SOX5: variants seen among roughly 807,000 people sequenced by gnomAD.
SOX5 encodes the protein transcription factor SOX-5.
In SOX5, 9 loss-of-function variants were observed where a neutral mutation model predicts 92.0. That is an observed-to-expected ratio of 0.10 (90% CI 0.06 to 0.17). SOX5 has a LOEUF of 0.17. Among genes scored for constraint, SOX5 ranks in the 10% least tolerant of loss-of-function variants. The pLI is 1.00. For missense variants in SOX5, 642 were observed against 944.5 expected (o/e 0.68, Z 4.20); for synonymous variants, 344 against 336.3 (o/e 1.02, Z -0.25).
intron 1 of SOX5, among the ~76,000 whole-genome samples, chr12:24,450,964 C>T (rs990548709): frequency 2.6e-5 from 4 of 152,272 alleles, no homozygotes; most frequent in African/African-American, 9.6e-5. Context: ...CTACCCTTCC[C>T]AGTCTCTAGT....
intron 2 of SOX5, among the ~76,000 whole-genome samples, chr12:23,853,147 CAT>C (rs1391910036): frequency 6.7e-6 from 1 of 149,696 alleles, no homozygotes; most frequent in African/African-American, 2.5e-5. Context: ...TATACACACA[CAT>C]ATTGTAAAAG....
intron 2 of SOX5, among the ~76,000 whole-genome samples, chr12:23,869,916 C>T (rs936104235): frequency 2.0e-5 from 3 of 152,098 alleles, no homozygotes; most frequent in Admixed American, 1.3e-4. Context: ...CCATTTTCCC[C>T]ACCAGACTGA....
intron 1 of SOX5, among the ~76,000 whole-genome samples, chr12:24,421,818 G>C (rs534436528): frequency 6.6e-6 from 1 of 152,032 alleles, no homozygotes; most frequent in Admixed American, 6.6e-5. Context: ...ATATCCTATC[G>C]GAATGAGTTG....
chr12:23,558,785 T>C (rs1203820082), intron 11 of SOX5, among the ~76,000 whole-genome samples: 1 of 152,190 alleles, frequency 6.6e-6, no homozygotes, highest in African/African-American at 2.4e-5. Flanking sequence ...TATTTTTTAG[T>C]AGAGACGGGG....
chr12:24,230,441 G>C (rs550290239), intron 3 of SOX5: 1 of 152,120 alleles, frequency 6.6e-6, no homozygotes, highest in African/African-American at 2.4e-5. Flanking sequence ...TTCTTTTTCC[G>C]TGGTTCCTGT....
intron 6 of SOX5, among the ~76,000 whole-genome samples, chr12:23,734,004 T>C (rs551029778): frequency 6.6e-6 from 1 of 152,294 alleles, no homozygotes; most frequent in East Asian, 1.9e-4. Flanking sequence ...GTTCAGAAAG[T>C]AAATTGTCAG....
rs565667070 is a variant in SOX5 at position 24,486,119 on chromosome 12, TAG to T, written c.-251+76208_-251+76209del. ...AGGCACTAATTTTTAATTTTTTTTG[TAG>T]AGACAGGGTCTTTCTGCGTTGCCCA... On this transcript the variant is annotated intron_variant, in intron 1 of 4. Transcript: ENST00000446891. Among the ~76,000 whole-genome samples the T allele has an allele frequency of 5.8e-3, 887 of 152,180 alleles. 4 individuals are homozygous for T. The highest frequency in any genetic ancestry group is 8.2e-3 in the Non-Finnish European group (558 of 68,014).
chr12:23,672,087 CA>C (rs77752280), intron 6 of SOX5, among the ~76,000 whole-genome samples: 60 of 145,546 alleles, frequency 4.1e-4, no homozygotes, highest in African/African-American at 1.2e-3. Context: ...AAAAACAAAA[CA>C]AAAAAAAAAG....
At chr12:24,070,091 C>G (rs1941523113) in intron 4 of SOX5, among the ~76,000 whole-genome samples, 1 of 152,130 alleles carries the variant, frequency 6.6e-6, no homozygotes, top group Non-Finnish European at 1.5e-5. Flanking sequence ...GAGTTTGCCG[C>G]AACAACACTA....
intron 3 of SOX5, among the ~76,000 whole-genome samples, chr12:23,843,681 G>A (rs2096544034): frequency 6.9e-6 from 1 of 144,954 alleles, no homozygotes; most frequent in African/African-American, 2.6e-5. Flanking sequence ...GTCCTGCCTC[G>A]GCTGCTCAAG....
chr12:24,421,766 T>C (rs1473589532), intron 1 of SOX5, among the ~76,000 whole-genome samples: 1 of 152,246 alleles, frequency 6.6e-6, no homozygotes, highest in East Asian at 1.9e-4. Flanking sequence ...ACAAAGATAA[T>C]GGCACACTTA....
chr12:24,491,035 T>C (rs1469065258), intron 1 of SOX5, among the ~76,000 whole-genome samples: 3 of 148,790 alleles, frequency 2.0e-5, no homozygotes, highest in African/African-American at 7.6e-5. Flanking sequence ...ACCAACCAAC[T>C]AACAAAAACC....
At position 23,850,462 on chromosome 12, in the gene SOX5, TAAATAAAAAATA is replaced by T. The variant is rs1447050193; in HGVS notation, c.271-4281_271-4270del. ...AATAAATAAATAAATAAAAAAAAAA[TAAATAAAAAATA>T]AAAAAAAAATCACCAGGAGAAGGTA... On this transcript the variant is annotated intron_variant, in intron 2 of 14. Transcript: ENST00000451604. Among the ~76,000 whole-genome samples, 332 of 87,508 alleles carry T rather than the reference TAAATAAAAAATA, an allele frequency of 3.8e-3. 1 individual carries two copies. The highest frequency in any genetic ancestry group is 8.2e-3 in the Admixed American group (58 of 7,090). 57.4% of individuals were successfully genotyped at this position (87,508 alleles called of 152,430 possible).
At chr12:23,673,199 T>G (rs1382823) in intron 6 of SOX5, among the ~76,000 whole-genome samples, 121,120 of 152,052 alleles carry the variant, frequency 0.8, 48,890 homozygotes, top group East Asian at 1. Flanking sequence ...TGGTAATTAT[T>G]AAAATATCTT....
intron 7 of SOX5, among the ~76,000 whole-genome samples, chr12:23,649,598 T>C (rs2138992243): frequency 6.6e-6 from 1 of 152,216 alleles, no homozygotes; most frequent in Middle Eastern, 3.4e-3. Context: ...AAATTCTAGC[T>C]CAAAACTAAA....
intron 3 of SOX5, among the ~76,000 whole-genome samples, chr12:23,842,550 C>T (rs1463872281): frequency 6.6e-6 from 1 of 152,036 alleles, no homozygotes; most frequent in Non-Finnish European, 1.5e-5. Context: ...CTAATATTCT[C>T]CAATAAAAGG....
At chr12:24,056,544 T>C (rs1483811311) in intron 4 of SOX5, among the ~76,000 whole-genome samples, 1 of 152,170 alleles carries the variant, frequency 6.6e-6, no homozygotes, top group African/African-American at 2.4e-5. Flanking sequence ...CTTTCCAAAG[T>C]AATATTCAGA....
chr12:23,715,224 A>G (rs1184641046), intron 6 of SOX5, among the ~76,000 whole-genome samples: 1 of 151,900 alleles, frequency 6.6e-6, no homozygotes, highest in African/African-American at 2.4e-5. Context: ...GCGTGAACCC[A>G]GGAGGCGAAG....
At chr12:24,418,606 A>G (rs1266490165) in intron 1 of SOX5, among the ~76,000 whole-genome samples, 2 of 152,242 alleles carry the variant, frequency 1.3e-5, no homozygotes, top group Admixed American at 6.5e-5. Context: ...ACAGAGGAGA[A>G]CAGAAATTAG....
Sources: gnomAD v4.1 joint callset for allele counts (sites outside exome capture counted in the v4.1 genomes callset) on GRCh38, gnomAD v4.1.1 for gene constraint, MANE v1.5 for transcripts, NCBI Gene and HGNC (gene_info 2026-07-23, HGNC 2026-07-21) for gene names.